The following FBXO34 variants were observed in gnomAD, a reference collection of about 807,000 sequenced individuals.
FBXO34 encodes the protein F-box protein 34, also known as F-box only protein 34.
A neutral mutation model predicts 24.5 loss-of-function variants in FBXO34; 12 were observed. That is an observed-to-expected ratio of 0.49 (90% CI 0.31 to 0.79). The LOEUF is 0.79. FBXO34 is among the 30% of genes least tolerant of loss of function. The pLI is 0.04. For missense variants in FBXO34, 823 were observed against 857.7 expected, an observed-to-expected ratio of 0.96 and a Z score of 0.51; for synonymous variants, 320 against 311.9, an observed-to-expected ratio of 1.03 and a Z score of -0.27.
intron 1 of FBXO34, among the ~76,000 whole-genome samples, chr14:55,279,989 GTGTT>G (rs1178274400): frequency 6.6e-6 from 1 of 152,094 alleles, no homozygotes; most frequent in Non-Finnish European, 1.5e-5. Flanking sequence ...TTGCCTTTTT[GTGTT>G]TAGTCTCTTT....
In FBXO34 at chr14:55,351,712, C is replaced by A; in HGVS notation, c.1322C>A (p.Ser441Tyr). 6.2e-7 allele frequency: 1 copy of A among 1,614,198 alleles called. No individual in the cohort carries two copies. The highest frequency in any genetic ancestry group is 1.1e-5 in the South Asian group (1 of 91,074). ...GATTGTATGAGCAGAGAGCTTGTGT[C>A]CCTTACTAGCCGAAATCCTGATCAA... Reference protein sequence around the residue: ...AVDCMSRELVSLTSRNPDQRK... With the variant: ...AVDCMSRELVYLTSRNPDQRK... Residue 441 changes from serine (S) to tyrosine (Y), a missense_variant, in exon 2 of 2, where the codon TCC (serine) becomes TAC (tyrosine). Physicochemically the swap from Ser to Tyr is moderately radical, Grantham distance 144. This residue lies in a region of FBXO34 where 693 missense variants were observed against 659.1 expected (regional missense o/e 1.05). Transcript: ENST00000313833.
chr14:55,354,869 G>A (rs1884497064), downstream of FBXO34, among the ~76,000 whole-genome samples: 1 of 152,114 alleles, frequency 6.6e-6, no homozygotes, highest in Non-Finnish European at 1.5e-5. Flanking sequence ...CGCACTACCT[G>A]CTTTCCTGCA....
chr14:55,309,293 T>G (rs1882655504), intron 1 of FBXO34, among the ~76,000 whole-genome samples: 1 of 152,122 alleles, frequency 6.6e-6, no homozygotes. Context: ...TGCTGGTTTT[T>G]TTGCAGGAGT....
chr14:55,337,572 A>C (rs569659647), intron 1 of FBXO34, among the ~76,000 whole-genome samples: 1 of 152,408 alleles, frequency 6.6e-6, no homozygotes, highest in African/African-American at 2.4e-5. Context: ...TCAATACATT[A>C]GAAAATTACA....
the FBXO34 span, chr14:55,428,855 A>C: frequency 6.2e-7 from 1 of 1,614,218 alleles, no homozygotes; most frequent in Non-Finnish European, 8.5e-7. Context: ...CCTGATGGGA[A>C]ATCTCACATC....
At chr14:55,373,796 A>G (rs1378925740), downstream of FBXO34, among the ~76,000 whole-genome samples, 3 of 138,256 alleles carry the variant, frequency 2.2e-5, no homozygotes, top group Admixed American at 1.4e-4. Context: ...GTAAGTTTAA[A>G]TTTGTTTCAA....
chr14:55,291,863 G>A (rs1217390317), intron 1 of FBXO34, among the ~76,000 whole-genome samples: 1 of 152,136 alleles, frequency 6.6e-6, no homozygotes, highest in Non-Finnish European at 1.5e-5. Flanking sequence ...ATGTGGGGGT[G>A]GCTGAGATGG....
chr14:55,357,464 T>A (rs1036174131), downstream of FBXO34, among the ~76,000 whole-genome samples: 8 of 152,216 alleles, frequency 5.3e-5, no homozygotes, highest in Non-Finnish European at 1.0e-4. Context: ...GGGACCCCCC[T>A]CTCATTCTTT....
At chr14:55,323,323 TC>T (rs1039726357) in intron 1 of FBXO34, among the ~76,000 whole-genome samples, 1 of 138,152 alleles carries the variant, frequency 7.2e-6, no homozygotes, top group Non-Finnish European at 1.5e-5. Flanking sequence ...CTTTTTGGCC[TC>T]CCAAAGTACT....
At chr14:55,397,894 A>G in the FBXO34 span, among the ~76,000 whole-genome samples, 1 of 151,348 alleles carries the variant, frequency 6.6e-6, no homozygotes, top group African/African-American at 2.4e-5. Context: ...AGGCTAAAAA[A>G]TTACTTGTAA....
At chr14:55,314,147 G>A (rs907581608) in intron 1 of FBXO34, among the ~76,000 whole-genome samples, 1 of 152,082 alleles carries the variant, frequency 6.6e-6, no homozygotes, top group African/African-American at 2.4e-5. Context: ...CTAGGCTCAA[G>A]TGATCCTTCC....
At chr14:55,357,693 G>T (rs1263011200), downstream of FBXO34, among the ~76,000 whole-genome samples, 4 of 152,148 alleles carry the variant, frequency 2.6e-5, no homozygotes, top group African/African-American at 9.7e-5. Context: ...CACACCTGTA[G>T]CCCCTGCTAT....
chr14:55,412,929 C>G, the FBXO34 span, among the ~76,000 whole-genome samples: 1 of 152,178 alleles, frequency 6.6e-6, no homozygotes, highest in African/African-American at 2.4e-5. Context: ...TTCATATTAG[C>G]CCGTCCCTCC....
Position 55,350,431 on chromosome 14 carries a change from AC to A in FBXO34, c.47del (p.Pro16ArgfsTer12), listed in dbSNP as rs779434377. 34 of 1,600,140 alleles carry A rather than the reference AC, an allele frequency of 2.1e-5. No homozygotes were observed. Among genetic ancestry groups the A allele is most frequent in the Non-Finnish European group, 2.5e-5 (29 of 1,175,378 alleles). On this transcript the variant is annotated frameshift_variant, in exon 2 of 2. Transcript: ENST00000313833. LOFTEE classifies it low-confidence loss of function (END_TRUNC). ...KPYWKLQKKE[H>X]PPEVSRETQR... is the part of the protein sequence containing the mutation. Reference sequence around the variant, plus strand: ...TATTGGAAGCTCCAGAAGAAAGAGCACCCCCCGGAAGTCAGCAGGGAAACGC... The same window carrying A: ...TATTGGAAGCTCCAGAAGAAAGAGCACCCCCGGAAGTCAGCAGGGAAACGC...
At chr14:55,354,642 G>A (rs1251382400), downstream of FBXO34, 2 of 152,228 alleles carry the variant, frequency 1.3e-5, no homozygotes, top group African/African-American at 2.4e-5. Flanking sequence ...AGAAATCGCC[G>A]GTTATCTGTT....
chr14:55,276,633 G>A (rs1291057236), intron 1 of FBXO34, among the ~76,000 whole-genome samples: 1 of 151,940 alleles, frequency 6.6e-6, no homozygotes, highest in African/African-American at 2.4e-5. Context: ...TCTTGGTTGA[G>A]GAAGCGGGGG....
At chr14:55,338,705 G>A (rs1433046754) in intron 1 of FBXO34, among the ~76,000 whole-genome samples, 1 of 152,054 alleles carries the variant, frequency 6.6e-6, no homozygotes, top group South Asian at 2.1e-4. Context: ...TCAGGAGATC[G>A]AGACCATCCT....
chr14:55,433,173 G>C, the FBXO34 span, among the ~76,000 whole-genome samples: 1 of 152,044 alleles, frequency 6.6e-6, no homozygotes, highest in African/African-American at 2.4e-5. Context: ...CTGTAACTCA[G>C]ACTGGACTGC....
the FBXO34 span, among the ~76,000 whole-genome samples, chr14:55,379,456 T>C: frequency 0.4 from 60,027 of 151,914 alleles, 12,140 homozygotes; most frequent in Non-Finnish European, 0.43. Flanking sequence ...GTGGGAGGAT[T>C]GCTTGGGCCT....
Sources: gnomAD v4.1 joint callset for allele counts (sites outside exome capture counted in the v4.1 genomes callset) on GRCh38, gnomAD v4.1.1 for gene constraint, gnomAD v4.1.1 regional missense constraint, MANE v1.5 for transcripts, NCBI Gene and HGNC (gene_info 2026-07-23, HGNC 2026-07-21) for gene names.